The following ZNF883 variants were observed in gnomAD, a reference collection of about 807,000 sequenced individuals.
ZNF883 encodes zinc finger protein 883.
chr9:112,997,509 G>A, exon 1 of ZNF883: 1 of 1,614,046 alleles, frequency 6.2e-7, no homozygotes, highest in Middle Eastern at 1.6e-4. Flanking sequence ...TCAGTAAGAT[G>A]TGCACTCCGA....
At chr9:113,010,151 T>C (rs759508711) in intron 2 of ZNF883, among the ~76,000 whole-genome samples, 5 of 152,120 alleles carry the variant, frequency 3.3e-5, no homozygotes, top group Non-Finnish European at 5.9e-5. Flanking sequence ...TGGCAAAAAG[T>C]AGGTGCTCAA....
chr9:112,996,748 G>A (rs1398545533), downstream of ZNF883, among the ~76,000 whole-genome samples: 10 of 118,512 alleles, frequency 8.4e-5, no homozygotes, highest in South Asian at 2.9e-4. Context: ...CCGAGATCGC[G>A]CCACTGCACT....
chr9:112,998,018 C>T, exon 1 of ZNF883: 1 of 1,612,990 alleles, frequency 6.2e-7, no homozygotes, highest in South Asian at 1.1e-5. Flanking sequence ...AAGATTAGTG[C>T]TCTGACTAAA....
At chr9:113,000,583 A>G (rs1828413078), upstream of ZNF883, among the ~76,000 whole-genome samples, 1 of 152,068 alleles carries the variant, frequency 6.6e-6, no homozygotes, top group Non-Finnish European at 1.5e-5. Context: ...AAGAAGAAAC[A>G]AAAAATGCTG....
upstream of ZNF883, among the ~76,000 whole-genome samples, chr9:113,001,017 ATG>A (rs1828416478): frequency 6.6e-6 from 1 of 152,168 alleles, no homozygotes. Context: ...GAATCTGGTG[ATG>A]TCACACAAGG....
chr9:112,988,626 G>A (rs541868112), intron 1 of ZNF883, among the ~76,000 whole-genome samples: 4 of 152,294 alleles, frequency 2.6e-5, no homozygotes, highest in South Asian at 2.1e-4. Flanking sequence ...ACGTGTGCAT[G>A]TATCTTCATA....
At chr9:112,997,458 T>TA in exon 1 of ZNF883, 1 of 1,614,154 alleles carries the variant, frequency 6.2e-7, no homozygotes, top group Non-Finnish European at 8.5e-7. Context: ...CCACATTCTT[T>TA]ACAAACATAG....
At chr9:113,004,634 G>C (rs1828458205) in intron 2 of ZNF883, among the ~76,000 whole-genome samples, 1 of 151,852 alleles carries the variant, frequency 6.6e-6, no homozygotes, top group Non-Finnish European at 1.5e-5. Context: ...ACCTGACAAT[G>C]ATGGCACTCT....
chr9:112,992,671 G>C (rs186627462), downstream of ZNF883, among the ~76,000 whole-genome samples: 24 of 152,260 alleles, frequency 1.6e-4, no homozygotes, highest in African/African-American at 5.5e-4. Flanking sequence ...CCTGAAGTAT[G>C]GTTTCCAACT....
chr9:112,997,613 T>G (rs1828375753), exon 1 of ZNF883: 1 of 1,613,914 alleles, frequency 6.2e-7, no homozygotes, highest in Non-Finnish European at 8.5e-7. Context: ...GCTGAAAGCT[T>G]TCCCACATTC....
At chr9:113,007,256 C>T (rs1828488212) in intron 2 of ZNF883, among the ~76,000 whole-genome samples, 1 of 152,218 alleles carries the variant, frequency 6.6e-6, no homozygotes, top group Non-Finnish European at 1.5e-5. Context: ...TTTTAATGAA[C>T]ACTCAACGAT....
chr9:113,005,343 C>T (rs551204345), intron 2 of ZNF883, among the ~76,000 whole-genome samples: 2 of 152,050 alleles, frequency 1.3e-5, no homozygotes, highest in African/African-American at 4.8e-5. Context: ...ATGTATAATG[C>T]AATACAAATC....
intron 1 of ZNF883, among the ~76,000 whole-genome samples, chr9:112,989,157 C>A (rs891113277): frequency 6.6e-6 from 1 of 152,088 alleles, no homozygotes; most frequent in Admixed American, 6.6e-5. Context: ...TCAATTTTTG[C>A]TTTTGTTGCA....
At chr9:113,006,276 A>G (rs2118624471) in intron 2 of ZNF883, among the ~76,000 whole-genome samples, 1 of 152,246 alleles carries the variant, frequency 6.6e-6, no homozygotes, top group Admixed American at 6.5e-5. Flanking sequence ...TGGTTTGGAC[A>G]GGGAAACCCC....
chr9:113,005,325 T>C (rs960849134), intron 2 of ZNF883, among the ~76,000 whole-genome samples: 1 of 151,944 alleles, frequency 6.6e-6, no homozygotes, highest in African/African-American at 2.4e-5. Flanking sequence ...ACAAATCAAA[T>C]AGGAAAAATG....
At chr9:113,008,396 T>C (rs1409059134) in intron 2 of ZNF883, among the ~76,000 whole-genome samples, 1 of 151,872 alleles carries the variant, frequency 6.6e-6, no homozygotes, top group Non-Finnish European at 1.5e-5. Context: ...GAATGGTGCA[T>C]AGAGTAACAG....
At chr9:113,007,656 G>A (rs894741189) in intron 2 of ZNF883, among the ~76,000 whole-genome samples, 6 of 152,162 alleles carry the variant, frequency 3.9e-5, no homozygotes, top group African/African-American at 1.2e-4. Flanking sequence ...AAATAAAAAC[G>A]AGTGCCAGAT....
At chr9:113,011,582 G>A (rs1306081772) in intron 1 of ZNF883, among the ~76,000 whole-genome samples, 2 of 152,196 alleles carry the variant, frequency 1.3e-5, no homozygotes, top group African/African-American at 4.8e-5. Flanking sequence ...GCAGAGTGTA[G>A]GGAATCAATT....
chr9:112,998,296 T>C (rs112695286), upstream of ZNF883: 761 of 1,441,898 alleles, frequency 5.3e-4, 1 homozygote, highest in Non-Finnish European at 6.2e-4. Context: ...ATTTATTTTT[T>C]CATTTTTGTC....
Sources: gnomAD v4.1 joint callset for allele counts (sites outside exome capture counted in the v4.1 genomes callset) on GRCh38, gnomAD v4.1.1 for gene constraint, MANE v1.5 for transcripts, NCBI Gene and HGNC (gene_info 2026-07-23, HGNC 2026-07-21) for gene names.